THSD7B: variants seen among roughly 807,000 people sequenced by gnomAD.
THSD7B encodes the protein thrombospondin type-1 domain-containing protein 7B.
Under a neutral mutation model 213.6 loss-of-function variants are expected in THSD7B, and 138 were observed. The observed-to-expected ratio is 0.65, with a 90% CI of 0.56 to 0.74. The LOEUF (loss-of-function observed/expected upper bound fraction) is 0.74. Ranked by LOEUF, THSD7B falls within the 30% of genes least tolerant of loss-of-function variation. The pLI, the probability that THSD7B is intolerant of heterozygous loss-of-function variation, is 0.00. For synonymous variants in THSD7B, 742 were observed against 687.0 expected, an observed-to-expected ratio of 1.08 and a Z score of -1.25; for missense variants, 1,931 against 1,991.5, an observed-to-expected ratio of 0.97 and a Z score of 0.58.
In THSD7B at chr2:136,991,356, T is replaced by G. The variant is rs139759785; in HGVS notation, c.140-65064T>G. Among the ~76,000 whole-genome samples the G allele has an allele frequency of 5.9e-3, 891 of 152,008 alleles. 11 individuals carry two copies. Among genetic ancestry groups the G allele is most frequent in the African/African-American group, 0.02 (832 of 41,456 alleles). Reference sequence around the variant, plus strand: ...AGGATATGCTTCTATGATAATAGAGTAAGAAATTAAATAAAAATATTAAAG... The same window carrying G: ...AGGATATGCTTCTATGATAATAGAGGAAGAAATTAAATAAAAATATTAAAG... On this transcript the variant is annotated intron_variant, in intron 2 of 27. Transcript: ENST00000409968.
chr2:136,885,363 G>A (rs1354066694), intron 2 of THSD7B, among the ~76,000 whole-genome samples: 2 of 151,960 alleles, frequency 1.3e-5, no homozygotes, highest in African/African-American at 4.8e-5. Context: ...ATAAGTGAGT[G>A]TATTATGTTT....
At chr2:137,648,033 A>G in intron 21 of THSD7B, among the ~76,000 whole-genome samples, 1 of 152,204 alleles carries the variant, frequency 6.6e-6, no homozygotes, top group East Asian at 1.9e-4. Flanking sequence ...TGAACACCTG[A>G]CTAAAATCGA....
At chr2:137,651,537 T>C (rs1683137432) in intron 21 of THSD7B, among the ~76,000 whole-genome samples, 1 of 152,092 alleles carries the variant, frequency 6.6e-6, no homozygotes, top group Non-Finnish European at 1.5e-5. Flanking sequence ...TTTGATCTTC[T>C]GTATGGTGAG....
intron 1 of THSD7B, among the ~76,000 whole-genome samples, chr2:136,836,510 G>A (rs749414647): frequency 3.3e-5 from 5 of 152,074 alleles, no homozygotes; most frequent in Non-Finnish European, 7.4e-5. Context: ...AAGCCACCTT[G>A]CGACCTAACA....
intron 14 of THSD7B, among the ~76,000 whole-genome samples, chr2:137,447,189 C>T (rs2105061140): frequency 6.6e-6 from 1 of 152,048 alleles, no homozygotes; most frequent in East Asian, 1.9e-4. Flanking sequence ...TCTGGGTTTA[C>T]TTCTTATCAT....
chr2:137,493,848 G>T (rs774418781), intron 15 of THSD7B, among the ~76,000 whole-genome samples: 8 of 152,100 alleles, frequency 5.3e-5, no homozygotes, highest in Non-Finnish European at 8.8e-5. Context: ...AACGTACCTA[G>T]CCCTGGATAT....
chr2:136,829,811 C>A (rs1215496293), intron 1 of THSD7B, among the ~76,000 whole-genome samples: 1 of 152,120 alleles, frequency 6.6e-6, no homozygotes, highest in Non-Finnish European at 1.5e-5. Flanking sequence ...ATTTATTTTT[C>A]TTTGAAGCAT....
chr2:137,489,322 G>A (rs1004319082), intron 15 of THSD7B, among the ~76,000 whole-genome samples: 11 of 152,056 alleles, frequency 7.2e-5, no homozygotes, highest in Middle Eastern at 3.4e-3. Context: ...CTACTTGGGA[G>A]GCTGAGGCAG....
intron 5 of THSD7B, among the ~76,000 whole-genome samples, chr2:137,158,643 A>G (rs1573858833): frequency 7.3e-6 from 1 of 136,382 alleles, no homozygotes; most frequent in Non-Finnish European, 1.5e-5. Context: ...CTTTTTCCCC[A>G]TGGGTTGCAA....
At chr2:137,659,601 T>C in intron 24 of THSD7B, 63 bp from the exon 25 acceptor site, 2 of 1,471,994 alleles carry the variant, frequency 1.4e-6, no homozygotes, top group South Asian at 1.3e-5. Flanking sequence ...TAAAAAAAAA[T>C]ACCAAAAAAT....
At chr2:137,614,906 T>C (rs1682355320) in intron 17 of THSD7B, among the ~76,000 whole-genome samples, 1 of 152,152 alleles carries the variant, frequency 6.6e-6, no homozygotes, top group Non-Finnish European at 1.5e-5. Context: ...TCTTTACTAC[T>C]ATATCTGAAA....
intron 5 of THSD7B, among the ~76,000 whole-genome samples, chr2:137,149,929 G>A (rs1464011694): frequency 6.6e-6 from 1 of 152,204 alleles, no homozygotes; most frequent in East Asian, 1.9e-4. Context: ...CTTTTGGGAA[G>A]ACATGATTAC....
intron 2 of THSD7B, among the ~76,000 whole-genome samples, chr2:136,886,509 C>T (rs560971756): frequency 2.6e-4 from 40 of 152,200 alleles, no homozygotes; most frequent in African/African-American, 9.4e-4. Flanking sequence ...GTGCTGGGGA[C>T]ATTTGGCAAT....
chr2:137,592,048 T>G (rs1382050192), intron 17 of THSD7B, among the ~76,000 whole-genome samples: 1 of 151,790 alleles, frequency 6.6e-6, no homozygotes, highest in Admixed American at 6.6e-5. Flanking sequence ...TGTTGTATTA[T>G]GCTATAAAAA....
chr2:137,265,527 C>T (rs553562238), intron 10 of THSD7B, among the ~76,000 whole-genome samples: 14 of 152,110 alleles, frequency 9.2e-5, no homozygotes, highest in South Asian at 2.1e-4. Context: ...ATGTTTATTG[C>T]GGCATTATTC....
chr2:136,986,506 A>G (rs1363504878), intron 2 of THSD7B, among the ~76,000 whole-genome samples: 1 of 152,180 alleles, frequency 6.6e-6, no homozygotes, highest in Admixed American at 6.5e-5. Context: ...CCATGCTTGT[A>G]CAGCCTGCAG....
chr2:137,537,313 T>C (rs1263107386), intron 15 of THSD7B, among the ~76,000 whole-genome samples: 4 of 151,806 alleles, frequency 2.6e-5, no homozygotes, highest in Admixed American at 1.3e-4. Context: ...AGGAATTTTG[T>C]TGAGTTTCTT....
At chr2:137,026,194 A>G (rs952250727) in intron 2 of THSD7B, among the ~76,000 whole-genome samples, 2 of 152,210 alleles carry the variant, frequency 1.3e-5, no homozygotes, top group African/African-American at 4.8e-5. Flanking sequence ...CACACTCAGC[A>G]GTCCAGGGCC....
intron 15 of THSD7B, among the ~76,000 whole-genome samples, chr2:137,560,623 A>G (rs1681092311): frequency 2.0e-5 from 3 of 152,122 alleles, no homozygotes; most frequent in African/African-American, 7.2e-5. Flanking sequence ...ATGACGAGCT[A>G]ATGGGTGCAG....
Sources: allele counts gnomAD v4.1 joint callset (sites outside exome capture counted in the v4.1 genomes callset), GRCh38; gene constraint gnomAD v4.1.1; transcripts MANE v1.5; gene names NCBI Gene and HGNC (gene_info 2026-07-23, HGNC 2026-07-21).